The following CDIP1 variants were observed in gnomAD, a reference collection of about 807,000 sequenced individuals.
The protein encoded by CDIP1 is cell death inducing p53 target 1.
In CDIP1, 9 loss-of-function variants were observed where a neutral mutation model predicts 17.7. The observed-to-expected ratio is 0.51, with a 90% CI of 0.31 to 0.89. The LOEUF (loss-of-function observed/expected upper bound fraction) is 0.89, where lower values mean the gene tolerates loss of function less well. Among genes scored for constraint, CDIP1 ranks in the 40% least tolerant of loss-of-function variants. CDIP1 has a pLI of 0.05. For missense variants in CDIP1, 263 were observed against 277.9 expected, an observed-to-expected ratio of 0.95 and a Z score of 0.38; for synonymous variants, 117 against 109.5, an observed-to-expected ratio of 1.07 and a Z score of -0.43.
At position 4,512,424 on chromosome 16, in the gene CDIP1, G is replaced by T; in HGVS notation, c.*148C>A. Reference sequence around the variant, plus strand: ...TTTGCCAGAAGAGTCAGCGGCTCAGGTAGGGCAGGGTGAAGAGGACAGGAC... The same window carrying T: ...TTTGCCAGAAGAGTCAGCGGCTCAGTTAGGGCAGGGTGAAGAGGACAGGAC... On this transcript the variant is annotated 3_prime_UTR_variant, in exon 6 of 6. Coordinates refer to ENST00000567695, the MANE Select transcript of CDIP1 (RefSeq NM_013399.3). The surrounding 1 kb of genome is among the most constrained non-coding windows in gnomAD (Gnocchi z 4.6). 3 of 650,354 alleles carry T rather than the reference G, an allele frequency of 4.6e-6. No individual in the cohort carries two copies. The highest frequency in any genetic ancestry group is 8.3e-6 in the Non-Finnish European group (3 of 359,346). 40.3% of individuals were successfully genotyped at this position (650,354 alleles called of 1,614,324 possible). A position where few individuals can be genotyped will look rare whatever the true frequency, so the allele number is the denominator to read the frequency against.
In CDIP1 at chr16:4,513,551, C is replaced by A. The variant is rs968066767; in HGVS notation, c.241+145G>T. Reference sequence around the variant, plus strand: ...CACGTCCACAGTCCCTGTCCACACACAGCCTGAGCCCTAGGCAAGGGCTGG... The same window carrying A: ...CACGTCCACAGTCCCTGTCCACACAAAGCCTGAGCCCTAGGCAAGGGCTGG... On this transcript the variant is annotated intron_variant, in intron 4 of 5. Transcript: ENST00000567695. This position sits in a 1 kb window ranked among gnomAD's most constrained non-coding sequence, Gnocchi z 4.1. 9.8e-6 allele frequency: 7 copies of A among 715,562 alleles called. No homozygotes were observed. The highest frequency in any genetic ancestry group is 1.5e-5 in the Non-Finnish European group (6 of 413,620). 44.3% of individuals were successfully genotyped at this position (715,562 alleles called of 1,614,324 possible).
At chr16:4,520,349 C>T (rs8046785) in intron 1 of CDIP1, among the ~76,000 whole-genome samples, 76,663 of 151,956 alleles carry the variant, frequency 0.5, 22,067 homozygotes, top group East Asian at 0.65. Context: ...GTCATCTGCC[C>T]GCCTCGGCCT....
chr16:4,536,068 C>T (rs1716291913), intron 1 of CDIP1, among the ~76,000 whole-genome samples: 1 of 152,232 alleles, frequency 6.6e-6, no homozygotes, highest in African/African-American at 2.4e-5. Context: ...GCAGAGCTCT[C>T]CCTGCCTGCC....
intron 1 of CDIP1, among the ~76,000 whole-genome samples, chr16:4,530,530 T>C (rs912203215): frequency 1.3e-5 from 2 of 151,720 alleles, no homozygotes; most frequent in Non-Finnish European, 2.9e-5. Flanking sequence ...ATGCCTGTAA[T>C]CCCAGCTACT....
intron 1 of CDIP1, among the ~76,000 whole-genome samples, chr16:4,517,371 G>A (rs143952115): frequency 6.6e-6 from 1 of 152,282 alleles, no homozygotes; most frequent in Non-Finnish European, 1.5e-5. Context: ...CGGGGCATAA[G>A]TCTAGGACCC....
At chr16:4,515,114 A>T (rs1317012257) in intron 1 of CDIP1, 1 of 152,278 alleles carries the variant, frequency 6.6e-6, no homozygotes, top group Admixed American at 6.5e-5. Context: ...AGCATCATAA[A>T]GGACTTGGGA....
Position 4,513,547 on chromosome 16 carries a change from C to T in CDIP1, c.241+149G>A. The T allele has an allele frequency of 1.4e-6, 1 of 708,360 alleles. No homozygotes were observed. Among genetic ancestry groups the T allele is most frequent in the Non-Finnish European group, 2.5e-6 (1 of 407,964 alleles). 43.9% of individuals were successfully genotyped at this position (708,360 alleles called of 1,614,324 possible). On this transcript the variant is annotated intron_variant, in intron 4 of 5. Transcript: ENST00000567695. This position sits in a 1 kb window ranked among gnomAD's most constrained non-coding sequence, Gnocchi z 4.1. ...TTCCCACGTCCACAGTCCCTGTCCA[C>T]ACACAGCCTGAGCCCTAGGCAAGGG...
chr16:4,512,940 G>A lies in CDIP1; in HGVS notation c.366C>T (p.Ala122=). Residue 122 remains alanine (A), a synonymous_variant, in exon 5 of 6, where the codon GCC becomes GCT. Transcript: ENST00000567695. This position sits in a 1 kb window ranked among gnomAD's most constrained non-coding sequence, Gnocchi z 4.6. ...CTCCCTGCAGCACTGTCACCGTGGT[G>A]GCAGCTCCTGAAGGGACCAGGACTG... ...TATVLVPSGA[A]TTVTVLQGEI... 1 of 1,583,644 alleles carries A rather than the reference G, an allele frequency of 6.3e-7. No homozygotes were observed. Among genetic ancestry groups the A allele is most frequent in the South Asian group, 1.2e-5 (1 of 86,786 alleles).
At chr16:4,518,921 G>A (rs1227985863) in intron 1 of CDIP1, among the ~76,000 whole-genome samples, 2 of 152,200 alleles carry the variant, frequency 1.3e-5, no homozygotes, top group Non-Finnish European at 2.9e-5. Context: ...AGGAGACCTG[G>A]GGATCTGCCC....
chr16:4,515,290 C>T (rs973381527), intron 1 of CDIP1, among the ~76,000 whole-genome samples: 5 of 152,112 alleles, frequency 3.3e-5, no homozygotes, highest in African/African-American at 9.7e-5. Flanking sequence ...GGGGCAGGGC[C>T]AGAGGAACCA....
chr16:4,536,948 C>T (rs941251587), intron 1 of CDIP1, among the ~76,000 whole-genome samples: 1 of 152,020 alleles, frequency 6.6e-6, no homozygotes, highest in African/African-American at 2.4e-5. Context: ...AATAAATGAA[C>T]CTTTGTAAGA....
chr16:4,536,703 G>A (rs949808080), intron 1 of CDIP1: 3 of 150,206 alleles, frequency 2.0e-5, no homozygotes, highest in Admixed American at 1.3e-4. Context: ...TTGGGAGGGT[G>A]AGGCAAGAGG....
intron 1 of CDIP1, among the ~76,000 whole-genome samples, chr16:4,535,671 T>C (rs1425526143): frequency 6.6e-6 from 1 of 152,234 alleles, no homozygotes; most frequent in African/African-American, 2.4e-5. Flanking sequence ...ACCAATGTCA[T>C]GGACCACTGC....
At chr16:4,537,942 C>G (rs908803725) in intron 1 of CDIP1, among the ~76,000 whole-genome samples, 1 of 152,232 alleles carries the variant, frequency 6.6e-6, no homozygotes, top group Non-Finnish European at 1.5e-5. Flanking sequence ...CGACTCCACA[C>G]GTCGGCGAGC....
In CDIP1 at chr16:4,513,916, G is replaced by A; in HGVS notation, c.86-65C>T. 1 of 1,475,114 alleles carries A rather than the reference G, an allele frequency of 6.8e-7. No individual in the cohort carries two copies. The highest frequency in any genetic ancestry group is 9.1e-7 in the Non-Finnish European group (1 of 1,098,598). The allele number at this position is 1,475,114 out of a possible 1,614,324, so 91.4% of individuals were successfully genotyped here. A position where few individuals can be genotyped will look rare whatever the true frequency, so the allele number is the denominator to read the frequency against. The stretch of plus-strand genomic sequence containing the variant: ...CCTCTGCACGATGAGCTCGACCAGA[G>A]GCCACTGTTTTGGGACACAGATGGG... On this transcript the variant is annotated intron_variant, in intron 3 of 5. Coordinates refer to ENST00000567695, the MANE Select transcript of CDIP1 (RefSeq NM_013399.3). The surrounding 1 kb of genome is among the most constrained non-coding windows in gnomAD (Gnocchi z 4.1).
In CDIP1 at chr16:4,513,823, G is replaced by C; in HGVS notation, c.114C>G (p.Pro38=). The change falls in exon 4 of 6, where the codon CCC becomes CCG. Residue 38 remains proline (P), a synonymous_variant. Coordinates refer to ENST00000567695, the MANE Select transcript of CDIP1 (RefSeq NM_013399.3). The surrounding 1 kb of genome is among the most constrained non-coding windows in gnomAD (Gnocchi z 4.1). The stretch of plus-strand genomic sequence containing the variant: ...CAGGGGGCAGTGGCATGCCTGGAGG[G>C]GGCTGCATCACAGCTGGGGAGGAAC... The part of the protein sequence containing the change: ...PGRSSPAVMQ[P]PPGMPLPPAD... 2 of 1,592,644 alleles carry C rather than the reference G, an allele frequency of 1.3e-6. No homozygotes were observed. The highest frequency in any genetic ancestry group is 1.7e-6 in the Non-Finnish European group (2 of 1,169,402).
chr16:4,518,567 T>G (rs899926347), intron 1 of CDIP1, among the ~76,000 whole-genome samples: 3 of 152,160 alleles, frequency 2.0e-5, no homozygotes, highest in Non-Finnish European at 4.4e-5. Context: ...CATATCCACA[T>G]GCGTCCTCCT....
rs1457074909 is a variant in CDIP1 at position 4,535,469 on chromosome 16, C to T, written c.-105+3233G>A. On this transcript the variant is annotated intron_variant, in intron 1 of 5. Coordinates refer to ENST00000567695, the MANE Select transcript of CDIP1 (RefSeq NM_013399.3). ...ACCCCCTCACCCTGCACTGCAGGCT[C>T]TGTATTGGTTTTGCTTTGTCTGCCG... Among the ~76,000 whole-genome samples, 3 of 152,248 alleles carry T rather than the reference C, an allele frequency of 2.0e-5. No homozygotes were observed. The South Asian group carries it at 6.2e-4, about 31-fold the overall frequency.
chr16:4,531,996 G>A (rs1195802046), intron 1 of CDIP1, among the ~76,000 whole-genome samples: 2 of 152,254 alleles, frequency 1.3e-5, no homozygotes, highest in African/African-American at 4.8e-5. Flanking sequence ...CTAGCAGGGG[G>A]AGTGCCTCTG....
Sources: gnomAD v4.1 joint callset for allele counts (sites outside exome capture counted in the v4.1 genomes callset) on GRCh38, gnomAD v4.1.1 for gene constraint, Gnocchi (gnomAD v3.1) non-coding constraint, MANE v1.5 for transcripts, NCBI Gene and HGNC (gene_info 2026-07-23, HGNC 2026-07-21) for gene names.